Variants in DLG2 observed in about 807,000 individuals in gnomAD.
DLG2 encodes the protein discs large MAGUK scaffold protein 2, also known as disks large homolog 2.
DLG2 carries 45 observed loss-of-function variants against 132.5 expected under a neutral mutation model. That is an observed-to-expected ratio of 0.34 (90% CI 0.27 to 0.44). DLG2 has a LOEUF of 0.44. Among genes scored for constraint, DLG2 ranks in the 20% least tolerant of loss-of-function variants. DLG2 has a pLI of 1.00. For synonymous variants in DLG2, 424 were observed against 419.6 expected (o/e 1.01, Z -0.13); for missense variants, 1,045 against 1,196.9 (o/e 0.87, Z 1.87).
chr11:84,791,319 C>T (rs955689700), intron 6 of DLG2, among the ~76,000 whole-genome samples: 1 of 152,180 alleles, frequency 6.6e-6, no homozygotes, highest in Non-Finnish European at 1.5e-5. Flanking sequence ...GCTTTTATGG[C>T]AGTACCGTGC....
chr11:84,876,329 G>T (rs1042732930), intron 6 of DLG2, among the ~76,000 whole-genome samples: 1 of 152,104 alleles, frequency 6.6e-6, no homozygotes. Flanking sequence ...TTTTTTGATT[G>T]GTAGGCTATT....
intron 9 of DLG2, among the ~76,000 whole-genome samples, chr11:84,162,680 T>C (rs1434865298): frequency 6.6e-6 from 1 of 152,152 alleles, no homozygotes; most frequent in Non-Finnish European, 1.5e-5. Flanking sequence ...TCTTGTAGGG[T>C]TGTACTAATT....
chr11:83,693,298 T>C (rs750112680), intron 18 of DLG2, among the ~76,000 whole-genome samples: 2 of 152,112 alleles, frequency 1.3e-5, no homozygotes, highest in East Asian at 1.9e-4. Context: ...TTGAGCATTA[T>C]TTTAGTACTG....
chr11:85,514,478 T>G (rs912752050), intron 3 of DLG2, among the ~76,000 whole-genome samples: 7 of 151,998 alleles, frequency 4.6e-5, no homozygotes, highest in South Asian at 2.1e-4. Flanking sequence ...CTTCTCTAAC[T>G]TTCCTGGTGG....
Position 85,203,273 on chromosome 11 carries a change from A to G in DLG2, c.187-48622T>C, listed in dbSNP as rs576093759. ...GGTTTTTTAAAGACAAACAAAATTAACAAACCTGTAGCTAGATTAAGACAA... is the reference window on the plus strand; with the variant it reads ...GGTTTTTTAAAGACAAACAAAATTAGCAAACCTGTAGCTAGATTAAGACAA... On this transcript the variant is annotated intron_variant, in intron 4 of 27. Transcript: ENST00000376104. Among the ~76,000 whole-genome samples, 184 of 151,828 alleles carry G rather than the reference A, an allele frequency of 1.2e-3. 2 individuals carry two copies. Among genetic ancestry groups the G allele is most frequent in the African/African-American group, 4.0e-3 (167 of 41,532 alleles).
At chr11:83,908,231 A>G (rs1176063201) in intron 15 of DLG2, among the ~76,000 whole-genome samples, 2 of 152,174 alleles carry the variant, frequency 1.3e-5, no homozygotes, top group Non-Finnish European at 2.9e-5. Context: ...ATGAATGGTC[A>G]CTACATGTAT....
chr11:84,020,234 A>G (rs2095350810), intron 11 of DLG2, among the ~76,000 whole-genome samples: 1 of 152,140 alleles, frequency 6.6e-6, no homozygotes, highest in South Asian at 2.1e-4. Flanking sequence ...AGTTGTTAAT[A>G]TTTAGGTATT....
At chr11:84,556,442 C>T (rs539351627) in intron 6 of DLG2, among the ~76,000 whole-genome samples, 4 of 152,284 alleles carry the variant, frequency 2.6e-5, no homozygotes, top group South Asian at 2.1e-4. Context: ...ATCCAGTCTC[C>T]GATCTTTTGG....
At chr11:84,776,244 T>G (rs1280069389) in intron 6 of DLG2, among the ~76,000 whole-genome samples, 1 of 152,116 alleles carries the variant, frequency 6.6e-6, no homozygotes, top group Admixed American at 6.6e-5. Flanking sequence ...AGTCTTGATC[T>G]TCTGGGCTTA....
At chr11:84,632,066 T>G (rs1418832392) in intron 6 of DLG2, among the ~76,000 whole-genome samples, 1 of 152,186 alleles carries the variant, frequency 6.6e-6, no homozygotes, top group Non-Finnish European at 1.5e-5. Context: ...GAGAGGAAGA[T>G]GTTATTTATA....
intron 6 of DLG2, among the ~76,000 whole-genome samples, chr11:84,639,527 G>T (rs779536586): frequency 2.0e-4 from 31 of 152,082 alleles, no homozygotes; most frequent in Non-Finnish European, 4.0e-4. Context: ...CTTGTAAATT[G>T]TATGAAGGAA....
chr11:83,767,139 A>T (rs115596046), intron 18 of DLG2, among the ~76,000 whole-genome samples: 3,180 of 152,318 alleles, frequency 0.021, 88 homozygotes, highest in African/African-American at 0.064. Flanking sequence ...TATTTGCCTT[A>T]TAAGGTGACG....
intron 14 of DLG2, among the ~76,000 whole-genome samples, chr11:83,941,343 TC>T (rs1329889642): frequency 7.4e-6 from 1 of 135,864 alleles, no homozygotes; most frequent in Non-Finnish European, 1.8e-5. Flanking sequence ...ACTCTGACTC[TC>T]CCTTTAGTTT....
chr11:83,800,597 T>C (rs1356234075), intron 17 of DLG2, among the ~76,000 whole-genome samples: 2 of 152,198 alleles, frequency 1.3e-5, no homozygotes, highest in Non-Finnish European at 1.5e-5. Context: ...TGAATATTTA[T>C]GTATCTTAGC....
chr11:83,839,078 C>T (rs79461740), intron 16 of DLG2, among the ~76,000 whole-genome samples: 5,754 of 152,176 alleles, frequency 0.038, 173 homozygotes, highest in African/African-American at 0.086. Flanking sequence ...TTGTTAGTGA[C>T]CTTTGCACTT....
chr11:84,127,639 G>C (rs79896910), intron 9 of DLG2, among the ~76,000 whole-genome samples: 2,957 of 152,036 alleles, frequency 0.019, 76 homozygotes, highest in African/African-American at 0.066. Flanking sequence ...CTCACTATGC[G>C]GCCCAGGCTG....
chr11:84,333,208 C>A (rs189911494), intron 7 of DLG2, among the ~76,000 whole-genome samples: 1 of 152,150 alleles, frequency 6.6e-6, no homozygotes, highest in Non-Finnish European at 1.5e-5. Context: ...TTGGAAATTG[C>A]GTTGCTAAAT....
At chr11:85,299,664 A>T (rs913387212) in intron 3 of DLG2, among the ~76,000 whole-genome samples, 1 of 152,204 alleles carries the variant, frequency 6.6e-6, no homozygotes, top group Admixed American at 6.5e-5. Context: ...AGTGGCTGTC[A>T]AATTTTATTG....
At chr11:84,473,601 T>C (rs2099114135) in intron 7 of DLG2, among the ~76,000 whole-genome samples, 1 of 152,000 alleles carries the variant, frequency 6.6e-6, no homozygotes, top group Non-Finnish European at 1.5e-5. Context: ...CTATTAGAAG[T>C]ATTCTAAAGC....
Sources: allele counts gnomAD v4.1 joint callset (sites outside exome capture counted in the v4.1 genomes callset), GRCh38; gene constraint gnomAD v4.1.1; transcripts MANE v1.5; gene names NCBI Gene and HGNC (gene_info 2026-07-23, HGNC 2026-07-21).